The following LYN variants were observed in gnomAD, a reference collection of about 807,000 sequenced individuals.
The protein encoded by LYN is tyrosine-protein kinase Lyn.
In LYN, 12 loss-of-function variants were observed where a neutral mutation model predicts 65.0. The observed-to-expected ratio is 0.18, with a 90% confidence interval of 0.12 to 0.30. The LOEUF (loss-of-function observed/expected upper bound fraction) is 0.30. Ranked by LOEUF, LYN falls within the 10% of genes least tolerant of loss-of-function variation. The pLI is 1.00. For synonymous variants in LYN, 222 were observed against 221.2 expected, an observed-to-expected ratio of 1.00 and a Z score of -0.03; for missense variants, 380 against 623.2, an observed-to-expected ratio of 0.61 and a Z score of 4.16.
intron 1 of LYN, among the ~76,000 whole-genome samples, chr8:55,890,117 C>CA (rs34706733): frequency 0.33 from 26,231 of 78,816 alleles, 4,874 homozygotes; most frequent in East Asian, 0.51. Flanking sequence ...CCTCTATAGA[C>CA]AAAAAAAAAA....
rs148877182 is a variant in LYN at position 55,917,963 on chromosome 8, G to T, written c.-5-23892G>T. 2.7e-3 allele frequency among the ~76,000 whole-genome samples: 405 copies of T among 152,338 alleles called. 1 individual carries two copies. Among genetic ancestry groups the T allele is most frequent in the Middle Eastern group, 0.014 (4 of 294 alleles). On this transcript the variant is annotated intron_variant, in intron 1 of 12. Transcript: ENST00000519728. Reference sequence around the variant, plus strand: ...TTTCTGTGGAAACCTCCTCTTGCTAGCTTAAGCAGAAATGGGGGATTTATT... The same window carrying T: ...TTTCTGTGGAAACCTCCTCTTGCTATCTTAAGCAGAAATGGGGGATTTATT...
At chr8:55,934,884 C>T (rs534490575) in intron 1 of LYN, among the ~76,000 whole-genome samples, 12 of 152,320 alleles carry the variant, frequency 7.9e-5, no homozygotes, top group African/African-American at 2.9e-4. Context: ...AACACTCCTT[C>T]AGACACCTCT....
intron 10 of LYN, among the ~76,000 whole-genome samples, chr8:55,981,619 G>T (rs1315776795): frequency 1.3e-5 from 2 of 152,178 alleles, no homozygotes; most frequent in Non-Finnish European, 2.9e-5. Flanking sequence ...GCCTCCCAAA[G>T]TGCTGGGATT....
chr8:55,902,612 AAC>A (rs968917404), intron 1 of LYN: 4 of 329,504 alleles, frequency 1.2e-5, no homozygotes, highest in Admixed American at 3.9e-5. Context: ...ACAAAAAAAA[AAC>A]AACAACAACA....
chr8:55,891,352 CAA>C (rs113888818), intron 1 of LYN, among the ~76,000 whole-genome samples: 22 of 96,384 alleles, frequency 2.3e-4, no homozygotes, highest in South Asian at 3.2e-4. Context: ...AACTCCGGCT[CAA>C]AAAAAAAAAA....
intron 10 of LYN, among the ~76,000 whole-genome samples, chr8:55,994,294 A>G (rs1463125669): frequency 6.6e-6 from 1 of 152,192 alleles, no homozygotes; most frequent in Non-Finnish European, 1.5e-5. Flanking sequence ...CATATTCATT[A>G]TTTATTCAAC....
At chr8:55,935,044 C>T (rs1366670603) in intron 1 of LYN, among the ~76,000 whole-genome samples, 1 of 152,030 alleles carries the variant, frequency 6.6e-6, no homozygotes, top group East Asian at 1.9e-4. Context: ...CTCCACGGGC[C>T]ATGGTCATAG....
At chr8:55,897,670 G>A (rs1282016086) in intron 1 of LYN, among the ~76,000 whole-genome samples, 1 of 152,144 alleles carries the variant, frequency 6.6e-6, no homozygotes, top group African/African-American at 2.4e-5. Context: ...CTAGCACTTT[G>A]GGAGGCCGAG....
At chr8:55,920,311 A>T (rs1249730022) in intron 1 of LYN, among the ~76,000 whole-genome samples, 1 of 152,202 alleles carries the variant, frequency 6.6e-6, no homozygotes, top group Non-Finnish European at 1.5e-5. Flanking sequence ...TGTTAGCAGG[A>T]TTCCCATTCA....
chr8:55,902,371 A>AG (rs1805292735), intron 1 of LYN, among the ~76,000 whole-genome samples: 1 of 143,690 alleles, frequency 7.0e-6, no homozygotes, highest in Non-Finnish European at 1.5e-5. Flanking sequence ...TCTGTAGCCC[A>AG]GATTGGAGTG....
rs150170597 is a variant in LYN, at chr8:55,917,298, G to A, written c.-5-24557G>A. Among the ~76,000 whole-genome samples, 659 of 152,180 alleles carry A rather than the reference G, an allele frequency of 4.3e-3. 7 individuals carry two copies. The highest frequency in any genetic ancestry group is 0.025 in the South Asian group (121 of 4,820). On this transcript the variant is annotated intron_variant, in intron 1 of 12. Transcript: ENST00000519728. ...ACTCCTAGGCTCATGTGATCGTCCC[G>A]CCTCAGCCTCCCAAGTAGCTGGGAC...
chr8:55,889,339 T>C (rs1804888302), intron 1 of LYN, among the ~76,000 whole-genome samples: 1 of 152,198 alleles, frequency 6.6e-6, no homozygotes, highest in South Asian at 2.1e-4. Context: ...AGCCTCCAAG[T>C]AGCTGGGACT....
intron 1 of LYN, among the ~76,000 whole-genome samples, chr8:55,905,186 G>A (rs1286409387): frequency 5.3e-5 from 8 of 152,146 alleles, no homozygotes; most frequent in Admixed American, 3.3e-4. Flanking sequence ...TGAGGCAGGC[G>A]GATCACCTGA....
intron 3 of LYN, 82 bp downstream of exon 3, chr8:55,946,575 ATT>A: frequency 1.2e-6 from 1 of 864,038 alleles, no homozygotes; most frequent in Non-Finnish European, 1.9e-6. Context: ...AAATGTTTTT[ATT>A]TTTTTTTATT....
chr8:55,989,487 C>T (rs918195385), intron 10 of LYN, among the ~76,000 whole-genome samples: 25 of 152,214 alleles, frequency 1.6e-4, no homozygotes, highest in Non-Finnish European at 2.8e-4. Flanking sequence ...AGGGAGAGCC[C>T]GGTTGCCTTT....
At chr8:55,987,477 A>T (rs1808108854) in intron 10 of LYN, among the ~76,000 whole-genome samples, 1 of 151,868 alleles carries the variant, frequency 6.6e-6, no homozygotes, top group Non-Finnish European at 1.5e-5. Context: ...GTTGCCCAGG[A>T]TGGAGTGCAG....
intron 10 of LYN, among the ~76,000 whole-genome samples, chr8:55,972,783 A>C (rs1388250796): frequency 6.6e-6 from 1 of 152,220 alleles, no homozygotes; most frequent in Non-Finnish European, 1.5e-5. Flanking sequence ...TCGATAATCC[A>C]ACCTTTTCTA....
chr8:56,004,075 G>A (rs1454869333), intron 12 of LYN, among the ~76,000 whole-genome samples: 1 of 151,220 alleles, frequency 6.6e-6, no homozygotes, highest in Non-Finnish European at 1.5e-5. Flanking sequence ...TGGGATTACA[G>A]GCATGTGCCA....
chr8:55,935,159 C>A (rs547920787), intron 1 of LYN, among the ~76,000 whole-genome samples: 1 of 152,168 alleles, frequency 6.6e-6, no homozygotes, highest in African/African-American at 2.4e-5. Context: ...TCCTATTACA[C>A]ATGACATTTA....
Sources: gnomAD v4.1 joint callset for allele counts (sites outside exome capture counted in the v4.1 genomes callset) on GRCh38, gnomAD v4.1.1 for gene constraint, MANE v1.5 for transcripts, NCBI Gene and HGNC (gene_info 2026-07-23, HGNC 2026-07-21) for gene names.